Variants in ART3 observed in about 807,000 individuals in gnomAD.
The protein encoded by ART3 is ecto-ADP-ribosyltransferase 3.
In ART3, 49 loss-of-function variants were observed where a neutral mutation model predicts 48.5. That is an observed-to-expected ratio of 1.01 (90% confidence interval 0.80 to 1.28). The LOEUF (loss-of-function observed/expected upper bound fraction) is 1.28, where lower values mean the gene tolerates loss of function less well. Among genes scored for constraint, ART3 ranks in the 50% most tolerant of loss-of-function variants. ART3 has a pLI of 0.00. For missense variants in ART3, 438 were observed against 454.3 expected, an observed-to-expected ratio of 0.96 and a Z score of 0.33; for synonymous variants, 145 against 157.2, an observed-to-expected ratio of 0.92 and a Z score of 0.58.
intron 11 of ART3, among the ~76,000 whole-genome samples, chr4:76,109,898 ACTGG>A (rs752884587): frequency 1.2e-4 from 19 of 152,140 alleles, no homozygotes; most frequent in Non-Finnish European, 2.2e-4. Context: ...TACAAATCTG[ACTGG>A]CTATTTTTCT....
chr4:76,104,292 C>A (rs1333518210), intron 9 of ART3: 1 of 941,548 alleles, frequency 1.1e-6, no homozygotes, highest in Non-Finnish European at 1.3e-6. Flanking sequence ...AGAAACCTAC[C>A]TTTACGCACA....
intron 1 of ART3, chr4:76,021,707 C>A: frequency 1.8e-6 from 1 of 557,264 alleles, no homozygotes; most frequent in South Asian, 2.5e-5. Flanking sequence ...ATTATAGTGC[C>A]AGGGTAGAGT....
chr4:76,076,582 A>C (rs1002555552), intron 2 of ART3, among the ~76,000 whole-genome samples: 1 of 152,252 alleles, frequency 6.6e-6, no homozygotes, highest in Admixed American at 6.5e-5. Flanking sequence ...TAATTTACAA[A>C]AATGGGTTCA....
chr4:76,016,288 C>G (rs1732249032), intron 1 of ART3, among the ~76,000 whole-genome samples: 1 of 152,168 alleles, frequency 6.6e-6, no homozygotes, highest in African/African-American at 2.4e-5. Context: ...GTTAGGAATA[C>G]CCCAAGCCCA....
chr4:76,086,067 C>T (rs568835744), intron 3 of ART3, among the ~76,000 whole-genome samples: 1 of 151,596 alleles, frequency 6.6e-6, no homozygotes, highest in Non-Finnish European at 1.5e-5. Flanking sequence ...AGTCCCCCCC[C>T]CCGCTCCCTC....
At chr4:76,100,342 TG>T in intron 6 of ART3, 22 bp downstream of exon 6, 2 of 1,611,054 alleles carry the variant, frequency 1.2e-6, no homozygotes, top group Non-Finnish European at 1.7e-6. Flanking sequence ...TTATAAATTC[TG>T]GGGGCTTGGC....
intron 1 of ART3, among the ~76,000 whole-genome samples, chr4:76,060,241 A>C (rs968783409): frequency 2.0e-5 from 3 of 152,206 alleles, no homozygotes; most frequent in Non-Finnish European, 2.9e-5. Context: ...CTGTTGTAGA[A>C]TATTGTGGAA....
intron 1 of ART3, chr4:76,022,646 A>G (rs765950986): frequency 6.4e-5 from 102 of 1,589,336 alleles, no homozygotes; most frequent in Non-Finnish European, 8.4e-5. Flanking sequence ...AATACAGTAT[A>G]TAATTACAAC....
At chr4:76,075,624 T>G (rs1298547757) in intron 1 of ART3, among the ~76,000 whole-genome samples, 3 of 152,172 alleles carry the variant, frequency 2.0e-5, no homozygotes, top group African/African-American at 7.2e-5. Flanking sequence ...AGTATGGAAA[T>G]GCACAGATTT....
chr4:76,078,552 A>G (rs1721647721), intron 2 of ART3, among the ~76,000 whole-genome samples: 2 of 152,180 alleles, frequency 1.3e-5, no homozygotes, highest in South Asian at 4.1e-4. Flanking sequence ...ACCCAGGACT[A>G]CGGGGGTCTT....
At chr4:76,038,052 T>C (rs1734599159) in intron 1 of ART3, among the ~76,000 whole-genome samples, 1 of 141,430 alleles carries the variant, frequency 7.1e-6, no homozygotes, top group Non-Finnish European at 1.5e-5. Context: ...AATGAGAAAT[T>C]CTAGAAATAA....
chr4:76,017,720 A>T (rs1732394543), intron 1 of ART3, among the ~76,000 whole-genome samples: 1 of 152,212 alleles, frequency 6.6e-6, no homozygotes, highest in African/African-American at 2.4e-5. Flanking sequence ...ACCCCAGAGC[A>T]CTTTAGCGAG....
intron 9 of ART3, 77 bp downstream of exon 9, chr4:76,104,046 T>A (rs1473107362): frequency 2.1e-6 from 3 of 1,406,096 alleles, no homozygotes; most frequent in Non-Finnish European, 3.0e-6. Flanking sequence ...GAGAATACTG[T>A]CATGAGACTA....
intron 1 of ART3, among the ~76,000 whole-genome samples, chr4:76,017,366 C>T (rs1732363077): frequency 1.3e-5 from 2 of 152,030 alleles, no homozygotes; most frequent in African/African-American, 4.8e-5. Context: ...CTAGAAATGT[C>T]ATCCAAGATC....
rs55799556 is a variant in ART3 at position 76,052,718 on chromosome 4, C to CT, written c.-9-23149dup. Among the ~76,000 whole-genome samples, 901 of 115,100 alleles carry CT rather than the reference C, an allele frequency of 7.8e-3. 25 individuals carry two copies. The highest frequency in any genetic ancestry group is 0.037 in the African/African-American group (784 of 21,410). 75.5% of individuals were successfully genotyped at this position (115,100 alleles called of 152,430 possible). A position where few individuals can be genotyped will look rare whatever the true frequency, so the allele number is the denominator to read the frequency against. On this transcript the variant is annotated intron_variant, in intron 1 of 9. Transcript: ENST00000341029. ...CGTGTACCCAATTTCTTTTTTCCTT[C>CT]TTTTTTTTTTTTTTAAGACAGAGTC...
intron 1 of ART3, among the ~76,000 whole-genome samples, chr4:76,031,516 C>T (rs776309864): frequency 5.3e-5 from 8 of 152,208 alleles, no homozygotes; most frequent in Non-Finnish European, 8.8e-5. Context: ...GAATATTTTC[C>T]AATGACTTTG....
chr4:76,068,113 G>A (rs1376348314), intron 1 of ART3, among the ~76,000 whole-genome samples: 1 of 152,084 alleles, frequency 6.6e-6, no homozygotes, highest in African/African-American at 2.4e-5. Context: ...CAAATTTCAG[G>A]GAGTATGTAG....
intron 10 of ART3, chr4:76,106,240 C>T: frequency 1.0e-6 from 1 of 985,364 alleles, no homozygotes; most frequent in Non-Finnish European, 1.2e-6. Context: ...CCACTTCTAT[C>T]CTGGGCACCT....
chr4:76,030,927 A>G (rs1733818868), intron 1 of ART3, among the ~76,000 whole-genome samples: 2 of 152,282 alleles, frequency 1.3e-5, no homozygotes, highest in South Asian at 2.1e-4. Flanking sequence ...TAATGCTGCT[A>G]TGAACATTTG....
Sources: allele counts gnomAD v4.1 joint callset (sites outside exome capture counted in the v4.1 genomes callset), GRCh38; gene constraint gnomAD v4.1.1; transcripts MANE v1.5; gene names NCBI Gene and HGNC (gene_info 2026-07-23, HGNC 2026-07-21).